Variants in PPP1R7 observed in about 807,000 individuals in gnomAD.
The protein encoded by PPP1R7 is protein phosphatase 1 regulatory subunit 22.
Under a neutral mutation model 45.2 loss-of-function variants are expected in PPP1R7, and 18 were observed. The ratio of observed to expected loss-of-function variants is 0.40; its 90% CI spans 0.28 to 0.59. The LOEUF is 0.59. Ranked by LOEUF, PPP1R7 falls within the 20% of genes least tolerant of loss-of-function variation. The probability of loss-of-function intolerance (pLI) is 0.46; values close to 1 mark genes in which losing one functional copy is unlikely to be tolerated. For synonymous variants in PPP1R7, 181 were observed against 183.4 expected, an observed-to-expected ratio of 0.99 and a Z score of 0.11; for missense variants, 314 against 455.8, an observed-to-expected ratio of 0.69 and a Z score of 2.83.
intron 3 of PPP1R7, 91 bp from the exon 4 acceptor site, chr2:241,158,393 C>T: frequency 8.0e-7 from 1 of 1,253,782 alleles, no homozygotes; most frequent in Admixed American, 1.7e-5. Flanking sequence ...GCCTCCCCCA[C>T]TGCTGCCCAC....
In PPP1R7 at chr2:241,163,288, A is replaced by G. The variant is rs1559421674; in HGVS notation, c.601A>G (p.Ile201Val). The G allele has an allele frequency of 5.6e-6, 9 of 1,607,642 alleles. No homozygotes were observed. The highest frequency in any genetic ancestry group is 2.7e-5 in the African/African-American group (2 of 74,746). The change falls in exon 7 of 10, where the codon ATC (isoleucine) becomes GTC (valine). Residue 201 changes from isoleucine to valine, a missense_variant. Ile to Val is a conservative substitution (Grantham distance 29). Around this residue, in one of 3 missense-constraint regions of PPP1R7, gnomAD observed 168 missense variants for 285.3 expected, o/e 0.59. Transcript: ENST00000234038. Reference sequence around the variant, plus strand: ...TGCTGTTCTGTCCTTTCCACAGGCAATCGAAAATATCGACACCTTAACCAA... The same window carrying G: ...TGCTGTTCTGTCCTTTCCACAGGCAGTCGAAAATATCGACACCTTAACCAA... ...LELGSNRIRAIENIDTLTNLE... is the reference protein window; with the variant it reads ...LELGSNRIRAVENIDTLTNLE...
At chr2:241,150,061 G>A (rs34782167), upstream of PPP1R7, 20,205 of 1,343,898 alleles carry the variant, frequency 0.015, 1,378 homozygotes, top group East Asian at 0.23. Flanking sequence ...AGGGATGCAC[G>A]TAGGACTGGC....
intron 2 of PPP1R7, 75 bp downstream of exon 2, chr2:241,153,679 GGT>G: frequency 6.4e-7 from 1 of 1,563,306 alleles, no homozygotes; most frequent in Non-Finnish European, 8.7e-7. Flanking sequence ...TCTGGCCCTG[GGT>G]GTGGGTGCTG....
In PPP1R7 at chr2:241,150,475, G is replaced by T; in HGVS notation, c.-21G>T. On this transcript the variant is annotated 5_prime_UTR_variant, in exon 1 of 10. Transcript: ENST00000234038. ...GAGGGGTCTGAGGCGACAGATTCCG[G>T]AAAGGGGAAGAGCAGCCAACATGGC... 6.3e-7 allele frequency: 1 copy of T among 1,590,758 alleles called. No individual in the cohort carries two copies. Among genetic ancestry groups the T allele is most frequent in the Non-Finnish European group, 8.5e-7 (1 of 1,169,762 alleles).
chr2:241,159,069 G>A, intron 4 of PPP1R7, 144 bp from the exon 5 acceptor site: 3 of 1,067,464 alleles, frequency 2.8e-6, no homozygotes, highest in Non-Finnish European at 4.1e-6. Flanking sequence ...CCTCTCAAAG[G>A]TCAGCACCTT....
chr2:241,149,573 C>G (rs933822551), upstream of PPP1R7: 19 of 1,389,144 alleles, frequency 1.4e-5, no homozygotes, highest in Non-Finnish European at 1.9e-5. Flanking sequence ...TAGCCAGAGT[C>G]TAGAAGCCCG....
intron 9 of PPP1R7, among the ~76,000 whole-genome samples, chr2:241,180,113 A>G (rs2067974615): frequency 6.6e-6 from 1 of 152,262 alleles, no homozygotes; most frequent in African/African-American, 2.4e-5. Context: ...GAGGTGACAC[A>G]GCTTGAAGAC....
At chr2:241,157,526 T>G (rs2067486385) in intron 2 of PPP1R7, among the ~76,000 whole-genome samples, 1 of 152,236 alleles carries the variant, frequency 6.6e-6, no homozygotes, top group African/African-American at 2.4e-5. Context: ...CAAAACACAT[T>G]TCCTTTCTCA....
chr2:241,180,950 G>C (rs1035981665), intron 9 of PPP1R7, among the ~76,000 whole-genome samples: 1 of 152,218 alleles, frequency 6.6e-6, no homozygotes, highest in Non-Finnish European at 1.5e-5. Context: ...TGTAATCCCA[G>C]CACTTTGGGA....
upstream of PPP1R7, chr2:241,150,366 C>A (rs995342198): frequency 7.4e-7 from 1 of 1,346,436 alleles, no homozygotes; most frequent in South Asian, 1.9e-5. Flanking sequence ...AGGCGCTGGG[C>A]CCACGCAGGC....
intron 7 of PPP1R7, among the ~76,000 whole-genome samples, chr2:241,165,121 A>T (rs1209401251): frequency 6.6e-6 from 1 of 152,246 alleles, no homozygotes; most frequent in African/African-American, 2.4e-5. Flanking sequence ...TAAAATTATT[A>T]AATCAGGTAA....
intron 4 of PPP1R7, chr2:241,158,829 G>A: frequency 2.1e-6 from 1 of 481,512 alleles, no homozygotes; most frequent in South Asian, 3.0e-5. Context: ...GTTCAATTAG[G>A]CACTCGCTGA....
chr2:241,167,455 G>A (rs907764157), intron 8 of PPP1R7, among the ~76,000 whole-genome samples: 3 of 152,130 alleles, frequency 2.0e-5, no homozygotes, highest in Middle Eastern at 3.4e-3. Context: ...GGTAAGTCGA[G>A]ACGTGCCTGC....
rs975310564 is a variant in PPP1R7, at chr2:241,163,347, T to C, written c.660T>C (p.Ile220=). 3 of 1,614,078 alleles carry C rather than the reference T, an allele frequency of 1.9e-6. No individual in the cohort carries two copies. The highest frequency in any genetic ancestry group is 2.5e-6 in the Non-Finnish European group (3 of 1,179,970). ...LESLFLGKNK[I]TKLQNLDALT... Reference sequence around the variant, plus strand: ...GTTTGTTTTTGGGGAAAAACAAAATTACTAAACTTCAGAACCTGGATGCGC... The same window carrying C: ...GTTTGTTTTTGGGGAAAAACAAAATCACTAAACTTCAGAACCTGGATGCGC... The change falls in exon 7 of 10, where the codon ATT becomes ATC. Residue 220 remains isoleucine (I), a synonymous_variant. Transcript: ENST00000234038.
chr2:241,153,588 G>A lies in PPP1R7; in HGVS notation c.165G>A (p.Gly55=), dbSNP rs772733002. ...EQSLKDGEER[G]EEDPEEEHEL... ...GCCTGAAGGATGGGGAGGAGCGGGG[G>A]GAGGAGGACCCAGAAGGTACCAGGC... Residue 55 remains glycine, a synonymous_variant, in exon 2 of 10, where the codon GGG becomes GGA. Transcript: ENST00000234038. 18 of 1,613,946 alleles carry A rather than the reference G, an allele frequency of 1.1e-5. No individual in the cohort carries two copies. Among genetic ancestry groups the A allele is most frequent in the East Asian group, 2.2e-5 (1 of 44,896 alleles).
At chr2:241,161,737 C>T (rs1032785264) in intron 6 of PPP1R7, among the ~76,000 whole-genome samples, 6 of 152,326 alleles carry the variant, frequency 3.9e-5, no homozygotes, top group South Asian at 2.1e-4. Context: ...CTTGGGAGGG[C>T]GTCCCAGGAG....
chr2:241,174,473 C>G (rs1262271363), intron 9 of PPP1R7, among the ~76,000 whole-genome samples: 1 of 152,064 alleles, frequency 6.6e-6, no homozygotes, highest in East Asian at 1.9e-4. Context: ...CCCTTTGCCT[C>G]CCCAAACTAC....
chr2:241,165,223 A>G (rs1375966124), intron 7 of PPP1R7, among the ~76,000 whole-genome samples: 1 of 152,050 alleles, frequency 6.6e-6, no homozygotes, highest in Non-Finnish European at 1.5e-5. Context: ...GCTGGAGCAC[A>G]GGGGTGCAAT....
intron 4 of PPP1R7, chr2:241,158,991 C>G: frequency 1.8e-6 from 1 of 545,526 alleles, no homozygotes; most frequent in Non-Finnish European, 3.3e-6. Context: ...TGCCTCCTGC[C>G]TCCCTTTGGG....
Sources: gnomAD v4.1 joint callset for allele counts (sites outside exome capture counted in the v4.1 genomes callset) on GRCh38, gnomAD v4.1.1 for gene constraint, gnomAD v4.1.1 regional missense constraint, MANE v1.5 for transcripts, NCBI Gene and HGNC (gene_info 2026-07-23, HGNC 2026-07-21) for gene names.